Variants in ODF2 observed in about 807,000 individuals in gnomAD.
ODF2 encodes outer dense fiber protein 2.
A neutral mutation model predicts 110.2 loss-of-function variants in ODF2; 47 were observed. The ratio of observed to expected loss-of-function variants is 0.43; its 90% CI spans 0.34 to 0.54. The LOEUF is 0.54. Among genes scored for constraint, ODF2 ranks in the 20% least tolerant of loss-of-function variants. The pLI, the probability that ODF2 is intolerant of heterozygous loss-of-function variation, is 0.03. For missense variants in ODF2, 812 were observed against 1,054.5 expected (o/e 0.77, Z 3.19); for synonymous variants, 352 against 397.7 (o/e 0.89, Z 1.37).
At chr9:128,487,336 C>T (rs1266035565) in intron 13 of ODF2, among the ~76,000 whole-genome samples, 3 of 152,112 alleles carry the variant, frequency 2.0e-5, no homozygotes, top group South Asian at 2.1e-4. Context: ...TAACGGACGT[C>T]GTTCAGAGGT....
intron 4 of ODF2, among the ~76,000 whole-genome samples, chr9:128,463,250 C>A (rs555089932): frequency 6.6e-6 from 1 of 152,088 alleles, no homozygotes; most frequent in Non-Finnish European, 1.5e-5. Flanking sequence ...CACAGTGAGA[C>A]CCTGTCTCAA....
chr9:128,484,582 T>C, intron 11 of ODF2, 119 bp from the exon 12 acceptor site: 1 of 1,109,854 alleles, frequency 9.0e-7, no homozygotes, highest in Non-Finnish European at 1.3e-6. Context: ...TTTTTCTGTC[T>C]TCCTCGTTTC....
At chr9:128,460,710 G>T (rs762361018) in intron 3 of ODF2, 44 bp downstream of exon 3, 83 of 1,610,468 alleles carry the variant, frequency 5.2e-5, no homozygotes, top group Non-Finnish European at 6.7e-5. Flanking sequence ...GTGGATCTGG[G>T]TGATCCTGCT....
intron 3 of ODF2, 91 bp from the exon 3 acceptor site, chr9:128,460,459 G>T: frequency 6.5e-7 from 1 of 1,546,086 alleles, no homozygotes; most frequent in Non-Finnish European, 8.7e-7. Context: ...AGGCTTTTTG[G>T]TGGCCCCCAG....
At chr9:128,456,626 C>A in intron 1 of ODF2, 1 of 1,503,896 alleles carries the variant, frequency 6.6e-7, no homozygotes. Context: ...CCTCGCTCTG[C>A]TGCCCGTCGG....
At chr9:128,477,755 C>G (rs1167738318) in intron 8 of ODF2, among the ~76,000 whole-genome samples, 1 of 151,044 alleles carries the variant, frequency 6.6e-6, no homozygotes, top group Non-Finnish European at 1.5e-5. Flanking sequence ...ACAGGTGCCA[C>G]TCCCGGCTAA....
At chr9:128,498,752 T>G (rs1329678982) in intron 19 of ODF2, among the ~76,000 whole-genome samples, 177 bp downstream of exon 19, 1 of 152,186 alleles carries the variant, frequency 6.6e-6, no homozygotes, top group Non-Finnish European at 1.5e-5. Context: ...GATTGCTCAT[T>G]TACTCACTAC....
At chr9:128,492,848 T>G in intron 16 of ODF2, 43 bp downstream of exon 16, 2 of 1,517,798 alleles carry the variant, frequency 1.3e-6, no homozygotes, top group South Asian at 2.3e-5. Flanking sequence ...CCCAATTCCA[T>G]ATCTAACTCA....
At chr9:128,484,249 G>T (rs1842958303) in intron 11 of ODF2, among the ~76,000 whole-genome samples, 195 bp downstream of exon 11, 1 of 152,168 alleles carries the variant, frequency 6.6e-6, no homozygotes, top group Non-Finnish European at 1.5e-5. Context: ...GGAGGTGTTG[G>T]GCATCCTTCC....
intron 4 of ODF2, among the ~76,000 whole-genome samples, chr9:128,467,220 C>T (rs373228279): frequency 6.6e-6 from 1 of 150,440 alleles, no homozygotes; most frequent in Admixed American, 6.7e-5. Context: ...AGGCTACAGA[C>T]CTCTACAGCA....
rs183881340 is a variant in ODF2 at position 128,458,836 on chromosome 9, T to A, written c.33-731T>A. Among the ~76,000 whole-genome samples, 1,078 of 151,200 alleles carry A rather than the reference T, an allele frequency of 7.1e-3. 16 individuals are homozygous for A. Among genetic ancestry groups the A allele is most frequent in the Non-Finnish European group, 0.011 (763 of 67,882 alleles). On this transcript the variant is annotated intron_variant, in intron 2 of 20. Transcript: ENST00000604420. The stretch of plus-strand genomic sequence containing the variant: ...CTGAGCCTAATGCTCTTTGAAAAAA[T>A]TTTTTTTTCTTTTTTGTTGTTGTTT...
chr9:128,466,846 G>A (rs139020667), intron 4 of ODF2, among the ~76,000 whole-genome samples: 3,835 of 147,204 alleles, frequency 0.026, 165 homozygotes, highest in African/African-American at 0.09. Flanking sequence ...GCATGGTGGC[G>A]GGCACCTGTA....
At chr9:128,471,652 T>C (rs1202213304) in intron 6 of ODF2, among the ~76,000 whole-genome samples, 184 bp downstream of exon 6, 2 of 151,936 alleles carry the variant, frequency 1.3e-5, no homozygotes, top group African/African-American at 4.8e-5. Flanking sequence ...TGATTTGTAC[T>C]ATGAGGGAAA....
intron 1 of ODF2, chr9:128,456,768 TCCCGCCC>T: frequency 2.4e-6 from 2 of 832,068 alleles, no homozygotes; most frequent in Non-Finnish European, 2.9e-6. Flanking sequence ...CGGGGGGGGG[TCCCGCCC>T]GCCCCCTCCC....
intron 5 of ODF2, among the ~76,000 whole-genome samples, chr9:128,470,032 T>A (rs1588806280): frequency 7.7e-5 from 5 of 64,990 alleles, no homozygotes; most frequent in Non-Finnish European, 1.2e-4. Context: ...TATATATATA[T>A]ATATATATAT....
At position 128,480,673 on chromosome 9, in the gene ODF2, C is replaced by T. The variant is rs374755601; in HGVS notation, c.844-907C>T. Among the ~76,000 whole-genome samples, 358 of 152,108 alleles carry T rather than the reference C, an allele frequency of 2.4e-3. 1 individual carries two copies. The highest frequency in any genetic ancestry group is 3.5e-3 in the Non-Finnish European group (240 of 67,992). The stretch of plus-strand genomic sequence containing the variant: ...CTCTGCTAAAAATACAAAAATTAGC[C>T]GGGCGTGGTGGCAGTTATCTGTAAT... On this transcript the variant is annotated intron_variant, in intron 8 of 20. Coordinates refer to ENST00000604420, the Ensembl canonical transcript of ODF2.
At chr9:128,487,162 A>G (rs1843525920) in intron 13 of ODF2, among the ~76,000 whole-genome samples, 1 of 152,034 alleles carries the variant, frequency 6.6e-6, no homozygotes, top group South Asian at 2.1e-4. Flanking sequence ...GCTCACTGCA[A>G]CCTTCAACTG....
chr9:128,465,182 G>C (rs1837517836), intron 4 of ODF2, among the ~76,000 whole-genome samples: 2 of 152,186 alleles, frequency 1.3e-5, no homozygotes, highest in South Asian at 2.1e-4. Flanking sequence ...ACCTGAAACA[G>C]TAGCTGTCTT....
chr9:128,455,276 G>A (rs948046164), upstream of ODF2: 34 of 1,519,590 alleles, frequency 2.2e-5, no homozygotes, highest in Non-Finnish European at 2.7e-5. Context: ...AGTAGACCGG[G>A]CGCGGAGGCT....
Sources: gnomAD v4.1 joint callset for allele counts (sites outside exome capture counted in the v4.1 genomes callset) on GRCh38, gnomAD v4.1.1 for gene constraint, MANE v1.5 for transcripts, NCBI Gene and HGNC (gene_info 2026-07-23, HGNC 2026-07-21) for gene names.